NKAPD1: variants seen among roughly 807,000 people sequenced by gnomAD.
The protein encoded by NKAPD1 is NKAP domain containing 1.
NKAPD1 carries 12 observed loss-of-function variants against 30.9 expected under a neutral mutation model. That is an observed-to-expected ratio of 0.39 (90% confidence interval 0.25 to 0.63). The LOEUF (loss-of-function observed/expected upper bound fraction) is 0.63, where lower values mean the gene tolerates loss of function less well. Ranked by LOEUF, NKAPD1 falls within the 20% of genes least tolerant of loss-of-function variation. NKAPD1 has a pLI of 0.51. For missense variants in NKAPD1, 311 were observed against 344.5 expected (o/e 0.90, Z 0.77); for synonymous variants, 91 against 113.6 (o/e 0.80, Z 1.26).
rs1365717713 is a variant in NKAPD1 at position 112,082,743 on chromosome 11, C to G, written c.653C>G (p.Pro218Arg). Residue 218 changes from proline (P) to arginine (R), a missense_variant, in exon 6 of 6, where the codon CCT becomes CGT. Transcript: ENST00000393047. ...KKSRKKSLKKPALFLEAESNT... is the reference protein window; with the variant it reads ...KKSRKKSLKKRALFLEAESNT... ...TCCAGGAAAAAGTCTCTCAAAAAAC[C>G]TGCTTTATTCTTAGAGGCAGAAAGT... 5 of 1,613,878 alleles carry G rather than the reference C, an allele frequency of 3.1e-6. No individual in the cohort carries two copies. In the East Asian group the frequency reaches 1.1e-4, roughly 36 times the overall value.
chr11:112,074,774 C>T lies in NKAPD1; in HGVS notation c.-151C>T, dbSNP rs987078039. On this transcript the variant is annotated 5_prime_UTR_variant, in exon 1 of 6. Coordinates refer to ENST00000393047, the MANE Select transcript of NKAPD1 (RefSeq NM_018195.4). The stretch of plus-strand genomic sequence containing the variant: ...GAGGGCAGAGTAACCAGTGGGAAGG[C>T]TGCGTTTTCACGAAGGACTCGGGTG... 1.5e-5 allele frequency: 5 copies of T among 328,110 alleles called. No individual in the cohort carries two copies. Among genetic ancestry groups the T allele is most frequent in the Non-Finnish European group, 2.8e-5 (5 of 181,606 alleles). 20.3% of individuals were successfully genotyped at this position (328,110 alleles called of 1,614,324 possible).
chr11:112,084,376 T>G lies in NKAPD1; in HGVS notation c.*1404T>G, dbSNP rs1384630879. ...TCTAATAAAGTGCTTGGTCTTAAAA[T>G]ACATGGTTGGACAGAGGTGCCCTAT... On this transcript the variant is annotated 3_prime_UTR_variant, in exon 6 of 6. Coordinates refer to ENST00000393047, the MANE Select transcript of NKAPD1 (RefSeq NM_018195.4). The G allele has an allele frequency of 6.6e-6, 1 of 152,664 alleles. No homozygotes were observed. Among genetic ancestry groups the G allele is most frequent in the African/African-American group, 2.4e-5 (1 of 41,454 alleles). 9.5% of individuals were successfully genotyped at this position (152,664 alleles called of 1,614,324 possible).
rs907931133 is a variant in NKAPD1, at chr11:112,080,349, C to T, written c.171-60C>T. 12 of 1,554,262 alleles carry T rather than the reference C, an allele frequency of 7.7e-6. No homozygotes were observed. The African/African-American group carries it at 1.7e-4, about 21-fold the overall frequency. ...TTCCATGAGTTTTGTGCATGATGTTCCATAAAGTAAACTCACAGATTGCTT... is the reference window on the plus strand; with the variant it reads ...TTCCATGAGTTTTGTGCATGATGTTTCATAAAGTAAACTCACAGATTGCTT... On this transcript the variant is annotated intron_variant, in intron 3 of 5. Coordinates refer to ENST00000393047, the MANE Select transcript of NKAPD1 (RefSeq NM_018195.4).
rs542780344 is a variant in NKAPD1 at position 112,074,344 on chromosome 11, A to G, written c.-581A>G. 5.0e-6 allele frequency: 2 copies of G among 399,118 alleles called. No homozygotes were observed. Among genetic ancestry groups the G allele is most frequent in the Admixed American group, 4.4e-5 (1 of 22,714 alleles). The allele number at this position is 399,118 out of a possible 1,614,324, so 24.7% of individuals were successfully genotyped here. A position where few individuals can be genotyped will look rare whatever the true frequency, so the allele number is the denominator to read the frequency against. On this transcript the variant is annotated 5_prime_UTR_variant, in exon 1 of 6. Coordinates refer to ENST00000393047, the MANE Select transcript of NKAPD1 (RefSeq NM_018195.4). ...CTTCCCCCCTACCCCCCGCCACGCG[A>G]GGCTGCGGCGCACGGTATGGGTGTG...
At chr11:112,079,822 T>C (rs1172873063) in intron 3 of NKAPD1, among the ~76,000 whole-genome samples, 1 of 151,970 alleles carries the variant, frequency 6.6e-6, no homozygotes, top group African/African-American at 2.4e-5. Flanking sequence ...TTCTTTTTTT[T>C]TTTTCCTGAG....
Position 112,078,243 on chromosome 11 carries a change from T to C in NKAPD1, c.98T>C (p.Ile33Thr). ...CAGGAGGAATCAGATATGTGGAAAA[T>C]AAGAGAACTGGAAAAACAGATGGAA... Reference protein sequence around the residue: ...KIQEESDMWKIRELEKQMEDA... With the variant: ...KIQEESDMWKTRELEKQMEDA... The change falls in exon 3 of 6, where the codon ATA (isoleucine) becomes ACA (threonine). Residue 33 changes from isoleucine (I) to threonine (T), a missense_variant. Ile to Thr is a moderately conservative substitution (Grantham distance 89). Coordinates refer to ENST00000393047, the MANE Select transcript of NKAPD1 (RefSeq NM_018195.4). 6.2e-7 allele frequency: 1 copy of C among 1,612,514 alleles called. No individual in the cohort carries two copies. The highest frequency in any genetic ancestry group is 8.5e-7 in the Non-Finnish European group (1 of 1,179,132).
chr11:112,075,924 G>T (rs1865321424), intron 2 of NKAPD1, among the ~76,000 whole-genome samples: 1 of 152,190 alleles, frequency 6.6e-6, no homozygotes, highest in Non-Finnish European at 1.5e-5. Context: ...AGAATTAGTG[G>T]TATTTCAGCT....
intron 4 of NKAPD1, chr11:112,081,127 C>T (rs1162520836): frequency 6.6e-6 from 1 of 152,058 alleles, no homozygotes; most frequent in Admixed American, 6.6e-5. Context: ...GAGATTGAGA[C>T]CATCCTAGCC....
chr11:112,078,511 C>T (rs1047505321), intron 3 of NKAPD1, among the ~76,000 whole-genome samples, 196 bp downstream of exon 3: 1 of 152,088 alleles, frequency 6.6e-6, no homozygotes, highest in Non-Finnish European at 1.5e-5. Flanking sequence ...TACTTATTTA[C>T]AATGGAGAGT....
intron 5 of NKAPD1, 154 bp from the exon 6 acceptor site, chr11:112,082,311 A>G: frequency 1.3e-6 from 1 of 759,928 alleles, no homozygotes; most frequent in South Asian, 2.5e-5. Flanking sequence ...GGAAACAAAA[A>G]CTCAATGAGA....
chr11:112,077,336 T>A (rs1865350338), intron 2 of NKAPD1, among the ~76,000 whole-genome samples: 1 of 152,242 alleles, frequency 6.6e-6, no homozygotes, highest in Non-Finnish European at 1.5e-5. Context: ...ATGTGTTCTT[T>A]GGGTAATCAC....
chr11:112,083,285 G>C lies in NKAPD1; in HGVS notation c.*313G>C, dbSNP rs979109045. On this transcript the variant is annotated 3_prime_UTR_variant, in exon 6 of 6. Transcript: ENST00000393047. ...AGAAAGCTGGATCCAATAGTGACCT[G>C]GGTACACCAATCGGAATATTGAATT... 4.0e-5 allele frequency: 8 copies of C among 198,718 alleles called. No homozygotes were observed. The highest frequency in any genetic ancestry group is 6.1e-5 in the Non-Finnish European group (6 of 97,564). The allele number at this position is 198,718 out of a possible 1,614,324, so 12.3% of individuals were successfully genotyped here. A position where few individuals can be genotyped will look rare whatever the true frequency, so the allele number is the denominator to read the frequency against.
rs75262267 is a variant in NKAPD1 at position 112,083,541 on chromosome 11, A to T, written c.*569A>T. On this transcript the variant is annotated 3_prime_UTR_variant, in exon 6 of 6. Transcript: ENST00000393047. ...ACCTTTTCCCTTCATGATAACATCC[A>T]TAGACAACTTATTAGAAGGGACTAG... 6.5e-6 allele frequency: 1 copy of T among 152,704 alleles called. No homozygotes were observed. The highest frequency in any genetic ancestry group is 1.9e-4 in the East Asian group (1 of 5,198). The allele number at this position is 152,704 out of a possible 1,614,324, so 9.5% of individuals were successfully genotyped here. A position where few individuals can be genotyped will look rare whatever the true frequency, so the allele number is the denominator to read the frequency against.
intron 3 of NKAPD1, among the ~76,000 whole-genome samples, chr11:112,078,796 C>G (rs571125528): frequency 1.7e-4 from 26 of 152,262 alleles, no homozygotes; most frequent in African/African-American, 6.3e-4. Flanking sequence ...ACGCAGTCCT[C>G]CCACCTCAAC....
At position 112,082,779 on chromosome 11, in the gene NKAPD1, A is replaced by G. The variant is rs1263215189; in HGVS notation, c.689A>G (p.His230Arg). The G allele has an allele frequency of 3.7e-6, 6 of 1,613,748 alleles. No individual in the cohort carries two copies. The Admixed American group carries it at 1.0e-4, about 27-fold the overall frequency. The change falls in exon 6 of 6, where the codon CAT (histidine) becomes CGT (arginine). Residue 230 changes from histidine to arginine, a missense_variant. His to Arg is a conservative substitution (Grantham distance 29). Transcript: ENST00000393047. ...LFLEAESNTS[H>R]SDDSASSSSE... ...TTAGAGGCAGAAAGTAACACTTCAC[A>G]TTCAGATGATTCAGCATCCAGCAGT... is the stretch of plus-strand genomic sequence containing the variant.
At chr11:112,077,880 C>G (rs1865361708) in intron 2 of NKAPD1, among the ~76,000 whole-genome samples, 1 of 151,310 alleles carries the variant, frequency 6.6e-6, no homozygotes, top group Admixed American at 6.6e-5. Context: ...GAGTCTCACT[C>G]CATCGCCCAG....
At chr11:112,082,424 T>G (rs1454073496) in intron 5 of NKAPD1, 41 bp from the exon 6 acceptor site, 2 of 1,427,040 alleles carry the variant, frequency 1.4e-6, no homozygotes, top group Non-Finnish European at 1.9e-6. Context: ...ATACGCTTTT[T>G]TTTTACATAA....
intron 5 of NKAPD1, 97 bp downstream of exon 5, chr11:112,082,132 A>T: frequency 9.7e-7 from 1 of 1,031,174 alleles, no homozygotes. Context: ...CTTGCCATCA[A>T]AAATGTAGCT....
Position 112,080,452 on chromosome 11 carries a change from T to TA in NKAPD1, c.215dup (p.Tyr72Ter). The stretch of plus-strand genomic sequence containing the variant: ...TTTTGATGAAGAAAGTCAAAGATAC[T>TA]ATTGGAGGCCAAAGAATGAAATTTC... The part of the protein sequence containing the change: ...DGFDEESQRY[Y>*]WRPKNEISGT... The change falls in exon 4 of 6, where the codon TAT (tyrosine) becomes TAAT (stop). Residue 72 changes from tyrosine (Y) to a stop codon, truncating the protein, a stop_gained and frameshift_variant. Coordinates refer to ENST00000393047, the MANE Select transcript of NKAPD1 (RefSeq NM_018195.4). LOFTEE classifies it high-confidence loss of function. 1 of 1,614,084 alleles carries TA rather than the reference T, an allele frequency of 6.2e-7. No homozygotes were observed. The highest frequency in any genetic ancestry group is 8.5e-7 in the Non-Finnish European group (1 of 1,180,004).
Sources: allele counts gnomAD v4.1 joint callset (sites outside exome capture counted in the v4.1 genomes callset), GRCh38; gene constraint gnomAD v4.1.1; transcripts MANE v1.5; gene names NCBI Gene and HGNC (gene_info 2026-07-23, HGNC 2026-07-21).